KYNU: variants seen among roughly 807,000 people sequenced by gnomAD.
KYNU encodes the protein kynureninase.
A neutral mutation model predicts 59.2 loss-of-function variants in KYNU; 54 were observed. The ratio of observed to expected loss-of-function variants is 0.91; its 90% CI spans 0.73 to 1.14. KYNU has a LOEUF of 1.14. Ranked by LOEUF, KYNU falls within the 50% of genes most tolerant of loss-of-function variation. The probability of loss-of-function intolerance (pLI) is 0.00; values close to 1 mark genes in which losing one functional copy is unlikely to be tolerated. For synonymous variants in KYNU, 177 were observed against 192.0 expected (o/e 0.92, Z 0.65); for missense variants, 567 against 554.4 (o/e 1.02, Z -0.23).
At chr2:142,931,881 C>G (rs77356978) in intron 4 of KYNU, among the ~76,000 whole-genome samples, 2,703 of 152,188 alleles carry the variant, frequency 0.018, 65 homozygotes, top group African/African-American at 0.063. Flanking sequence ...GATGGATGTT[C>G]AGAGTACGAA....
At chr2:142,997,858 A>T (rs1685587185) in intron 10 of KYNU, among the ~76,000 whole-genome samples, 1 of 152,162 alleles carries the variant, frequency 6.6e-6, no homozygotes, top group Non-Finnish European at 1.5e-5. Flanking sequence ...TGCTGAAGAG[A>T]TCAAGGAGAG....
At chr2:142,962,773 A>G (rs351685) in intron 8 of KYNU, among the ~76,000 whole-genome samples, 1 of 152,002 alleles carries the variant, frequency 6.6e-6, no homozygotes, top group East Asian at 1.9e-4. Context: ...TCCATTATCA[A>G]GATTATTCTA....
At chr2:142,897,735 T>G (rs1186641053) in intron 2 of KYNU, among the ~76,000 whole-genome samples, 1 of 152,204 alleles carries the variant, frequency 6.6e-6, no homozygotes, top group Non-Finnish European at 1.5e-5. Flanking sequence ...GTTTCTCAAA[T>G]GAACAGTCAT....
intron 8 of KYNU, among the ~76,000 whole-genome samples, chr2:142,973,451 C>T (rs1009095761): frequency 1.3e-5 from 2 of 152,174 alleles, no homozygotes; most frequent in Non-Finnish European, 2.9e-5. Context: ...CTGGCCCCTC[C>T]ATACCCCTTT....
intron 10 of KYNU, chr2:142,990,025 G>A (rs997865961): frequency 6.6e-5 from 10 of 151,770 alleles, no homozygotes; most frequent in African/African-American, 2.4e-4. Flanking sequence ...CCCATAAAGA[G>A]AATGAATAAA....
Position 143,055,700 on chromosome 2 carries a change from A to G in KYNU, c.*13528A>G, listed in dbSNP as rs1211839024. On this transcript the variant is annotated 3_prime_UTR_variant, in exon 14 of 14. Coordinates refer to ENST00000264170, the MANE Select transcript of KYNU (RefSeq NM_003937.3). ...GAAGGAAGGAAAGGGAGGAGAGGAG[A>G]GGAGAGGTAGGAGGGAAGAAGAAAA... 2.6e-5 allele frequency: 4 copies of G among 151,646 alleles called. No individual in the cohort carries two copies. The South Asian group carries it at 8.4e-4, about 32-fold the overall frequency. 9.4% of individuals were successfully genotyped at this position (151,646 alleles called of 1,614,324 possible).
In KYNU at chr2:143,043,391, T is replaced by A. The variant is rs1358863937; in HGVS notation, c.*1219T>A. The A allele has an allele frequency of 1.3e-5, 2 of 151,950 alleles. No homozygotes were observed. Among genetic ancestry groups the A allele is most frequent in the Admixed American group, 1.3e-4 (2 of 15,178 alleles). The allele number at this position is 151,950 out of a possible 1,614,324, so 9.4% of individuals were successfully genotyped here. On this transcript the variant is annotated 3_prime_UTR_variant, in exon 14 of 14. Transcript: ENST00000264170. ...ATAAGTTGACAAAATAGTGTAGATT[T>A]GTATACATAGTCAACAAAAAGAGTG... is the stretch of plus-strand genomic sequence containing the variant.
chr2:142,937,964 A>T (rs763731526), intron 4 of KYNU, among the ~76,000 whole-genome samples: 4 of 152,232 alleles, frequency 2.6e-5, no homozygotes, highest in Non-Finnish European at 5.9e-5. Context: ...CACCATCATA[A>T]ATGTCCTTAT....
intron 10 of KYNU, among the ~76,000 whole-genome samples, chr2:142,994,091 T>A (rs1367975576): frequency 6.6e-6 from 1 of 152,176 alleles, no homozygotes; most frequent in South Asian, 2.1e-4. Flanking sequence ...ACTTTATTTT[T>A]TTTTCTTACT....
At chr2:143,012,208 A>C (rs1322016856) in intron 10 of KYNU, among the ~76,000 whole-genome samples, 1 of 152,180 alleles carries the variant, frequency 6.6e-6, no homozygotes, top group Non-Finnish European at 1.5e-5. Flanking sequence ...TGGACCAGGC[A>C]CGATGACTCA....
chr2:143,034,408 A>G (rs904593228), intron 12 of KYNU, among the ~76,000 whole-genome samples: 2 of 152,192 alleles, frequency 1.3e-5, no homozygotes, highest in Non-Finnish European at 2.9e-5. Flanking sequence ...CTTCTAATCT[A>G]AAATTGCATA....
At chr2:143,034,182 AG>A (rs2104919384) in intron 12 of KYNU, among the ~76,000 whole-genome samples, 1 of 151,458 alleles carries the variant, frequency 6.6e-6, no homozygotes, top group South Asian at 2.1e-4. Flanking sequence ...AAATATATAA[AG>A]TAATTGTATA....
intron 1 of KYNU, among the ~76,000 whole-genome samples, chr2:142,884,503 T>C (rs1681420663): frequency 6.6e-6 from 1 of 152,080 alleles, no homozygotes; most frequent in Non-Finnish European, 1.5e-5. Flanking sequence ...TATCTCCTCA[T>C]AAGATACCTA....
intron 10 of KYNU, among the ~76,000 whole-genome samples, chr2:143,007,101 A>G (rs1454879788): frequency 2.0e-5 from 3 of 152,066 alleles, no homozygotes; most frequent in Non-Finnish European, 4.4e-5. Context: ...AGACGATCAA[A>G]TTACTCTGAG....
At chr2:143,023,059 GATTT>G in intron 10 of KYNU, among the ~76,000 whole-genome samples, 1 of 151,646 alleles carries the variant, frequency 6.6e-6, no homozygotes, top group African/African-American at 2.4e-5. Flanking sequence ...TCTTATTATT[GATTT>G]ATTTGTTTTC....
intron 8 of KYNU, among the ~76,000 whole-genome samples, chr2:142,976,825 A>G (rs1684897780): frequency 6.6e-6 from 1 of 152,200 alleles, no homozygotes; most frequent in Non-Finnish European, 1.5e-5. Flanking sequence ...CAGTAAATAC[A>G]TACCAGATTT....
intron 10 of KYNU, among the ~76,000 whole-genome samples, chr2:143,024,957 C>T (rs1271219151): frequency 1.3e-5 from 2 of 151,964 alleles, no homozygotes; most frequent in Non-Finnish European, 2.9e-5. Context: ...TATTTTTTCT[C>T]ACAACTATCT....
chr2:142,897,551 A>C (rs1681921599), intron 2 of KYNU, among the ~76,000 whole-genome samples: 1 of 152,278 alleles, frequency 6.6e-6, no homozygotes, highest in Non-Finnish European at 1.5e-5. Flanking sequence ...CCAAATAATC[A>C]AAGCACAAAT....
At chr2:142,947,043 T>C (rs1683810703) in intron 4 of KYNU, 1 of 1,547,524 alleles carries the variant, frequency 6.5e-7, no homozygotes, top group Non-Finnish European at 8.7e-7. Flanking sequence ...GATTCTCACC[T>C]CACCCTTCCC....
Sources: allele counts gnomAD v4.1 joint callset (sites outside exome capture counted in the v4.1 genomes callset), GRCh38; gene constraint gnomAD v4.1.1; transcripts MANE v1.5; gene names NCBI Gene and HGNC (gene_info 2026-07-23, HGNC 2026-07-21).